Variants in L1CAM observed in about 807,000 individuals in gnomAD.
L1CAM encodes the protein neural cell adhesion molecule L1.
A neutral mutation model predicts 93.0 loss-of-function variants in L1CAM; 8 were observed. That is an observed-to-expected ratio of 0.09 (90% CI 0.05 to 0.16). L1CAM has a LOEUF of 0.16. Among genes scored for constraint, L1CAM ranks in the 10% least tolerant of loss-of-function variants. The pLI is 1.00. For synonymous variants in L1CAM, 453 were observed against 453.0 expected (o/e 1.00, Z 0.00); for missense variants, 777 against 1,073.4 (o/e 0.72, Z 3.86).
Position 153,868,735 on chromosome X carries a change from G to T in L1CAM, c.1380-8C>A, listed in dbSNP as rs1557091974. ...GTCCCATCCTCGTCCAGCCTGGAGG[G>T]AGCAGGGCGGGCCTGGCTCTGACTG... On this transcript the variant is annotated splice_polypyrimidine_tract_variant and splice_region_variant and intron_variant, in intron 12 of 28. Transcript: ENST00000370060. 8.3e-7 allele frequency: 1 copy of T among 1,211,432 alleles called. No individual in the cohort carries two copies. Among genetic ancestry groups the T allele is most frequent in the East Asian group, 3.0e-5 (1 of 33,835 alleles).
chrX:153,878,532 CA>C (rs1280348826), intron 1 of L1CAM, among the ~76,000 whole-genome samples: 1 of 112,784 alleles, frequency 8.9e-6, no homozygotes, highest in African/African-American at 3.2e-5. Context: ...GCCAGTGGAT[CA>C]GGGGAGGCCC....
In L1CAM at chrX:153,864,443, A is replaced by T; in HGVS notation, c.3201T>A (p.Tyr1067Ter). Reference sequence around the variant, plus strand: ...TGTAGGAGCTCTGGTTGTAGCTGACATACTGTGGCGAAAGGGAAGCCCCAC... The same window carrying T: ...TGTAGGAGCTCTGGTTGTAGCTGACTTACTGTGGCGAAAGGGAAGCCCCAC... ...EKGGASLSPQYVSYNQSSYTQ... is the reference protein window; with the variant it reads ...EKGGASLSPQ Residue 1067 changes from tyrosine to a stop codon, truncating the protein, a stop_gained, in exon 25 of 29, where the codon TAT becomes TAA. Transcript: ENST00000370060. LOFTEE classifies it high-confidence loss of function. 8.3e-7 allele frequency: 1 copy of T among 1,211,334 alleles called. No individual in the cohort carries two copies. Among genetic ancestry groups the T allele is most frequent in the Non-Finnish European group, 1.1e-6 (1 of 894,909 alleles).
intron 2 of L1CAM, among the ~76,000 whole-genome samples, 171 bp from the exon 3 acceptor site, chrX:153,873,413 T>C (rs1394941781): frequency 8.9e-6 from 1 of 111,999 alleles, no homozygotes; most frequent in Non-Finnish European, 1.9e-5. Context: ...CACGCTGGGC[T>C]GGAGCAGTGG....
chrX:153,865,091 G>T lies in L1CAM; in HGVS notation c.2869C>A (p.Pro957Thr), dbSNP rs1307427270. 2 of 1,209,992 alleles carry T rather than the reference G, an allele frequency of 1.7e-6. No homozygotes were observed. Among genetic ancestry groups the T allele is most frequent in the Non-Finnish European group, 2.2e-6 (2 of 895,175 alleles). ...VLTGYVLSYH[P>T]LDEGGKGQLS... is the part of the protein sequence containing the mutation. The stretch of plus-strand genomic sequence containing the variant: ...CCTGCTGGGGCGGCGCACGCACGGG[G>T]GTGGTAGGAGAGCACGTAGCCGGTG... The change falls in exon 22 of 29, where the codon CCC (proline) becomes ACC (threonine). Residue 957 changes from proline to threonine, a missense_variant. Pro to Thr is a conservative substitution (Grantham distance 38). This residue lies in a region of L1CAM where 71 missense variants were observed against 77.4 expected (regional missense o/e 0.92). Coordinates refer to ENST00000370060, the MANE Select transcript of L1CAM (RefSeq NM_001278116.2).
intron 27 of L1CAM, 38 bp from the exon 28 acceptor site, chrX:153,863,417 G>A: frequency 8.3e-7 from 1 of 1,210,776 alleles, no homozygotes; most frequent in Non-Finnish European, 1.1e-6. Context: ...AGAGAGAGGG[G>A]GTGAGATGTG....
chrX:153,877,576 A>G (rs782549918), intron 1 of L1CAM, among the ~76,000 whole-genome samples: 16 of 111,861 alleles, frequency 1.4e-4, no homozygotes, highest in African/African-American at 5.2e-4. Flanking sequence ...GCAGTGAGCC[A>G]AGATCGCACC....
Position 153,863,975 on chromosome X carries a change from C to A in L1CAM, c.3365G>T (p.Trp1122Leu). The change falls in exon 26 of 29, where the codon TGG becomes TTG. Residue 1122 changes from tryptophan to leucine, a missense_variant. Around this residue, in one of 5 missense-constraint regions of L1CAM, gnomAD observed 110 missense variants for 141.7 expected, o/e 0.78. Coordinates refer to ENST00000370060, the MANE Select transcript of L1CAM (RefSeq NM_001278116.2). Reference sequence around the variant, plus strand: ...GATGGCACTCACAAAGCCGATGAACCAGCCCTCAGTGGCGAAGCCAGCAGG... The same window carrying A: ...GATGGCACTCACAAAGCCGATGAACAAGCCCTCAGTGGCGAAGCCAGCAGG... ...LPPAGFATEG[W>L]FIGFVSAIIL... The A allele has an allele frequency of 8.2e-7, 1 of 1,212,274 alleles. No individual in the cohort carries two copies. Among genetic ancestry groups the A allele is most frequent in the Non-Finnish European group, 1.1e-6 (1 of 895,519 alleles).
chrX:153,865,713 G>T lies in L1CAM; in HGVS notation c.2538C>A (p.Arg846=). 1.7e-6 allele frequency: 2 copies of T among 1,200,054 alleles called. No homozygotes were observed. The highest frequency in any genetic ancestry group is 2.3e-6 in the Non-Finnish European group (2 of 884,830). ...VDLAQVKGHL[R]GYNVTYWREG... is the part of the protein sequence containing the mutation. ...TGCCTTCAACCCTTACATTGTATCC[G>T]CGGAGGTGGCCCTTGACCTGGGCCA... Residue 846 remains arginine (R), a synonymous_variant, in exon 20 of 29, where the codon CGC becomes CGA. Coordinates refer to ENST00000370060, the MANE Select transcript of L1CAM (RefSeq NM_001278116.2).
chrX:153,879,737 T>C (rs1025373926), intron 1 of L1CAM, among the ~76,000 whole-genome samples: 1 of 93,253 alleles, frequency 1.1e-5, no homozygotes, highest in Non-Finnish European at 2.1e-5. Flanking sequence ...ACCCATGCCA[T>C]GCCAGGGAAC....
chrX:153,876,997 TA>T (rs1238618407), intron 1 of L1CAM, among the ~76,000 whole-genome samples: 4 of 108,254 alleles, frequency 3.7e-5, no homozygotes, highest in Admixed American at 2.0e-4. Context: ...AGACTCTGTC[TA>T]AAAAAATAAA....
chrX:153,863,432 C>T (rs782610044), intron 27 of L1CAM, 45 bp downstream of exon 27: 1 of 1,209,753 alleles, frequency 8.3e-7, no homozygotes, highest in Non-Finnish European at 1.1e-6. Context: ...GATGTGAAGG[C>T]CAGGGTGGAG....
intron 2 of L1CAM, 152 bp from the exon 3 acceptor site, chrX:153,873,394 A>G (rs782593193): frequency 1.7e-6 from 1 of 578,256 alleles, no homozygotes; most frequent in African/African-American, 2.2e-5. Flanking sequence ...CAGTGGCAAC[A>G]AGGGGGCACA....
chrX:153,878,938 G>T (rs2064829526), intron 1 of L1CAM, among the ~76,000 whole-genome samples: 1 of 110,595 alleles, frequency 9.0e-6, no homozygotes, highest in Non-Finnish European at 1.9e-5. Context: ...CACCTAGCTT[G>T]CCACCGCCCT....
At chrX:153,866,574 T>G in intron 19 of L1CAM, 75 bp downstream of exon 19, 2 of 729,394 alleles carry the variant, frequency 2.7e-6, no homozygotes, top group Non-Finnish European at 4.3e-6. Context: ...ACACCAATGC[T>G]GAGAGGTGTG....
chrX:153,874,358 G>T (rs1416822476), intron 2 of L1CAM, among the ~76,000 whole-genome samples: 2 of 113,121 alleles, frequency 1.8e-5, no homozygotes, highest in Non-Finnish European at 3.8e-5. Flanking sequence ...GTTATATTGT[G>T]TATCCACCTC....
chrX:153,862,777 G>T lies in L1CAM; in HGVS notation c.3660C>A (p.Asn1220Lys). ...DYGGSVDVQF[N>K]EDGSFIGQYS... ...ACTGGCCAATGAACGAACCATCCTCGTTGAACTGAACATCCACGCTGCCCC... is the reference window on the plus strand; with the variant it reads ...ACTGGCCAATGAACGAACCATCCTCTTTGAACTGAACATCCACGCTGCCCC... Residue 1220 changes from asparagine (N) to lysine (K), a missense_variant, in exon 29 of 29, where the codon AAC becomes AAA. Physicochemically the swap from Asn to Lys is moderately conservative, Grantham distance 94. Coordinates refer to ENST00000370060, the MANE Select transcript of L1CAM (RefSeq NM_001278116.2). 1.7e-6 allele frequency: 2 copies of T among 1,211,852 alleles called. No homozygotes were observed. The highest frequency in any genetic ancestry group is 2.2e-6 in the Non-Finnish European group (2 of 895,192).
chrX:153,863,804 C>T, intron 26 of L1CAM, 79 bp downstream of exon 26: 1 of 1,165,855 alleles, frequency 8.6e-7, no homozygotes, highest in Non-Finnish European at 1.2e-6. Context: ...ATCCAGGAGG[C>T]CTTGCAGAAG....
chrX:153,876,093 C>T (rs2064812365), intron 1 of L1CAM, 149 bp from the exon 2 acceptor site: 1 of 444,482 alleles, frequency 2.2e-6, no homozygotes, highest in African/African-American at 2.5e-5. Flanking sequence ...CCCTCCCCTC[C>T]CCATCCGCAC....
At chrX:153,864,158 T>C in intron 25 of L1CAM, 141 bp from the exon 26 acceptor site, 4 of 1,028,788 alleles carry the variant, frequency 3.9e-6, no homozygotes, top group Non-Finnish European at 5.4e-6. Flanking sequence ...GCGGAAAGGG[T>C]ATGAAAGGGG....
Sources: gnomAD v4.1 joint callset for allele counts (sites outside exome capture counted in the v4.1 genomes callset) on GRCh38, gnomAD v4.1.1 for gene constraint, gnomAD v4.1.1 regional missense constraint, MANE v1.5 for transcripts, NCBI Gene and HGNC (gene_info 2026-07-23, HGNC 2026-07-21) for gene names.